KIAA1217: variants seen among roughly 807,000 people sequenced by gnomAD.
The protein encoded by KIAA1217 is KIAA1217, also known as sickle tail protein homolog.
KIAA1217 carries 88 observed loss-of-function variants against 163.9 expected under a neutral mutation model. The observed-to-expected ratio is 0.54, with a 90% CI of 0.45 to 0.64. The LOEUF is 0.64. Among genes scored for constraint, KIAA1217 ranks in the 30% least tolerant of loss-of-function variants. KIAA1217 has a pLI of 0.00. For synonymous variants in KIAA1217, 903 were observed against 923.1 expected, an observed-to-expected ratio of 0.98 and a Z score of 0.39; for missense variants, 2,372 against 2,475.0, an observed-to-expected ratio of 0.96 and a Z score of 0.88.
intron 2 of KIAA1217, among the ~76,000 whole-genome samples, chr10:24,093,556 G>A (rs1033610440): frequency 6.0e-5 from 9 of 150,852 alleles, no homozygotes; most frequent in Middle Eastern, 3.2e-3. Context: ...CTCTCACCTC[G>A]GCCTCCCAAA....
chr10:24,385,186 G>A (rs977363702), intron 3 of KIAA1217, among the ~76,000 whole-genome samples: 1 of 152,254 alleles, frequency 6.6e-6, no homozygotes, highest in Non-Finnish European at 1.5e-5. Flanking sequence ...CCTGAGAGGA[G>A]AGGAAGCCTT....
chr10:24,172,433 C>T (rs1375057521), intron 2 of KIAA1217, among the ~76,000 whole-genome samples: 3 of 152,158 alleles, frequency 2.0e-5, no homozygotes, highest in Non-Finnish European at 2.9e-5. Flanking sequence ...CCTAAGAGCA[C>T]AAAAACCAGA....
chr10:24,526,185 G>T (rs2072129481), intron 13 of KIAA1217, among the ~76,000 whole-genome samples: 1 of 152,056 alleles, frequency 6.6e-6, no homozygotes, highest in Non-Finnish European at 1.5e-5. Flanking sequence ...AGTCACCAGT[G>T]GAGAGGTCAG....
chr10:24,174,278 C>T (rs974972369), intron 2 of KIAA1217, among the ~76,000 whole-genome samples: 6 of 152,214 alleles, frequency 3.9e-5, no homozygotes, highest in African/African-American at 9.7e-5. Flanking sequence ...TGGCTTGCTG[C>T]CTTGCCACCT....
chr10:23,972,581 C>T (rs11013820), intron 1 of KIAA1217, among the ~76,000 whole-genome samples: 6,812 of 151,760 alleles, frequency 0.045, 510 homozygotes, highest in African/African-American at 0.15. Context: ...TTTTATTATA[C>T]TTCAATAACC....
intron 1 of KIAA1217, among the ~76,000 whole-genome samples, chr10:23,705,961 T>C (rs1588633099): frequency 6.6e-6 from 1 of 152,300 alleles, no homozygotes; most frequent in Admixed American, 6.5e-5. Context: ...TTTAAGAGTA[T>C]ACATTTTACA....
At chr10:23,792,256 C>A (rs1009451299) in intron 1 of KIAA1217, among the ~76,000 whole-genome samples, 1 of 152,178 alleles carries the variant, frequency 6.6e-6, no homozygotes, top group African/African-American at 2.4e-5. Context: ...GTAAATCATG[C>A]TTTCAGAGCC....
intron 2 of KIAA1217, among the ~76,000 whole-genome samples, chr10:24,244,666 G>A (rs1055452116): frequency 2.1e-4 from 31 of 149,004 alleles, no homozygotes; most frequent in African/African-American, 7.2e-4. Context: ...CCGGATTCAA[G>A]TGATTCTCCT....
At chr10:24,025,284 T>G (rs1169924088) in intron 2 of KIAA1217, among the ~76,000 whole-genome samples, 1 of 151,698 alleles carries the variant, frequency 6.6e-6, no homozygotes, top group Non-Finnish European at 1.5e-5. Flanking sequence ...ATTTTCCTCA[T>G]AAAATTTCCT....
chr10:24,430,345 G>T (rs1218544363), intron 3 of KIAA1217, among the ~76,000 whole-genome samples: 1 of 152,122 alleles, frequency 6.6e-6, no homozygotes, highest in African/African-American at 2.4e-5. Context: ...TGGATGTGAT[G>T]GGTGGCTACC....
intron 9 of KIAA1217, among the ~76,000 whole-genome samples, chr10:24,508,102 C>T (rs1241122764): frequency 1.3e-5 from 2 of 152,096 alleles, no homozygotes; most frequent in East Asian, 3.9e-4. Flanking sequence ...ATATCCCTCA[C>T]GAAAATATAT....
chr10:23,864,841 G>A (rs934349670), intron 1 of KIAA1217, among the ~76,000 whole-genome samples: 3 of 152,072 alleles, frequency 2.0e-5, no homozygotes, highest in Non-Finnish European at 4.4e-5. Flanking sequence ...GGAGGCCAAG[G>A]GAAAAGCTGC....
intron 2 of KIAA1217, among the ~76,000 whole-genome samples, chr10:24,078,542 A>C (rs2061439061): frequency 6.6e-6 from 1 of 152,182 alleles, no homozygotes; most frequent in African/African-American, 2.4e-5. Flanking sequence ...TGTGTGGGCA[A>C]ATACTTGGGC....
chr10:24,090,402 A>G (rs1474869250), intron 2 of KIAA1217, among the ~76,000 whole-genome samples: 2 of 128,902 alleles, frequency 1.6e-5, no homozygotes, highest in Non-Finnish European at 3.2e-5. Flanking sequence ...CTGGTCTCAA[A>G]CTCCCGGCCT....
At chr10:24,470,226 G>A (rs1359151599) in intron 5 of KIAA1217, among the ~76,000 whole-genome samples, 1 of 152,174 alleles carries the variant, frequency 6.6e-6, no homozygotes, top group Non-Finnish European at 1.5e-5. Context: ...GAATTGTGAA[G>A]GCAGAGTGAG....
chr10:23,736,632 C>A (rs780522855), intron 1 of KIAA1217, among the ~76,000 whole-genome samples: 2 of 152,130 alleles, frequency 1.3e-5, no homozygotes, highest in African/African-American at 2.4e-5. Context: ...AAATGATTCT[C>A]CCACCTCAGC....
At chr10:24,044,301 A>G (rs1342047219) in intron 2 of KIAA1217, among the ~76,000 whole-genome samples, 1 of 152,180 alleles carries the variant, frequency 6.6e-6, no homozygotes, top group African/African-American at 2.4e-5. Context: ...CAAGAAATCC[A>G]ATAATAGCCA....
At chr10:23,709,578 A>G (rs1273684068) in intron 1 of KIAA1217, among the ~76,000 whole-genome samples, 1 of 152,088 alleles carries the variant, frequency 6.6e-6, no homozygotes, top group Non-Finnish European at 1.5e-5. Context: ...TTTCATCCGA[A>G]TGCCCCTCCT....
intron 1 of KIAA1217, among the ~76,000 whole-genome samples, chr10:23,778,060 G>A (rs1486069459): frequency 2.6e-5 from 4 of 152,104 alleles, no homozygotes; most frequent in African/African-American, 4.8e-5. Context: ...TCCTGACTCA[G>A]CCACCTGAGT....
Sources: allele counts gnomAD v4.1 joint callset (sites outside exome capture counted in the v4.1 genomes callset), GRCh38; gene constraint gnomAD v4.1.1; transcripts MANE v1.5; gene names NCBI Gene and HGNC (gene_info 2026-07-23, HGNC 2026-07-21).